DLG2: variants seen among roughly 807,000 people sequenced by gnomAD.
DLG2 encodes the protein discs large MAGUK scaffold protein 2.
Under a neutral mutation model 132.5 loss-of-function variants are expected in DLG2, and 45 were observed. That is an observed-to-expected ratio of 0.34 (90% confidence interval 0.27 to 0.44). DLG2 has a LOEUF of 0.44. Ranked by LOEUF, DLG2 falls within the 20% of genes least tolerant of loss-of-function variation. DLG2 has a pLI of 1.00. For missense variants in DLG2, 1,045 were observed against 1,196.9 expected (o/e 0.87, Z 1.87); for synonymous variants, 424 against 419.6 (o/e 1.01, Z -0.13).
chr11:84,836,345 G>C (rs530453067), intron 6 of DLG2, among the ~76,000 whole-genome samples: 1 of 151,764 alleles, frequency 6.6e-6, no homozygotes, highest in South Asian at 2.1e-4. Context: ...CAATGTACCC[G>C]TCACTTACTT....
chr11:84,580,463 T>C (rs2099513752), intron 6 of DLG2, among the ~76,000 whole-genome samples: 1 of 152,190 alleles, frequency 6.6e-6, no homozygotes, highest in Non-Finnish European at 1.5e-5. Flanking sequence ...CTGTCTTTGG[T>C]CCTCTGGTGG....
chr11:84,695,613 T>C (rs1262844351), intron 6 of DLG2, among the ~76,000 whole-genome samples: 3 of 151,566 alleles, frequency 2.0e-5, no homozygotes, highest in African/African-American at 7.3e-5. Flanking sequence ...AATGGTTTTG[T>C]ATCAGCATTT....
intron 19 of DLG2, among the ~76,000 whole-genome samples, chr11:83,588,575 C>T (rs1243687175): frequency 6.6e-6 from 1 of 151,888 alleles, no homozygotes; most frequent in Non-Finnish European, 1.5e-5. Flanking sequence ...CTCTAAAAAG[C>T]AGAGCGCCTC....
chr11:85,374,658 T>A (rs12362012), intron 3 of DLG2, among the ~76,000 whole-genome samples: 21,398 of 152,120 alleles, frequency 0.14, 2,081 homozygotes, highest in Non-Finnish European at 0.22. Context: ...CAAATATTTT[T>A]AAAATAAACT....
chr11:84,154,190 G>T (rs577909666), intron 9 of DLG2, among the ~76,000 whole-genome samples: 3 of 152,208 alleles, frequency 2.0e-5, no homozygotes, highest in South Asian at 4.1e-4. Context: ...TACAGATGGG[G>T]TTTCACCATG....
chr11:83,836,757 A>G (rs1447455479), intron 16 of DLG2, among the ~76,000 whole-genome samples: 2 of 152,200 alleles, frequency 1.3e-5, no homozygotes, highest in Non-Finnish European at 2.9e-5. Flanking sequence ...GGCCTTGTAG[A>G]TCATTTTAAA....
intron 6 of DLG2, among the ~76,000 whole-genome samples, chr11:84,647,283 T>C (rs1213362774): frequency 3.3e-5 from 5 of 152,108 alleles, no homozygotes; most frequent in Non-Finnish European, 7.4e-5. Flanking sequence ...TGTGTACATA[T>C]ATATAAATAA....
chr11:84,404,093 C>A (rs1406733639), intron 7 of DLG2, among the ~76,000 whole-genome samples: 3 of 152,050 alleles, frequency 2.0e-5, no homozygotes, highest in Non-Finnish European at 4.4e-5. Flanking sequence ...TGTTTATAAG[C>A]CTTATTGACT....
intron 7 of DLG2, among the ~76,000 whole-genome samples, chr11:84,417,105 G>A (rs957749550): frequency 3.9e-5 from 6 of 152,318 alleles, no homozygotes; most frequent in South Asian, 4.1e-4. Flanking sequence ...CAGCAACATA[G>A]TGTCCAGCAC....
At chr11:84,444,949 C>T (rs2154479027) in intron 7 of DLG2, among the ~76,000 whole-genome samples, 1 of 152,080 alleles carries the variant, frequency 6.6e-6, no homozygotes, top group Middle Eastern at 3.4e-3. Context: ...ATTACAGGCA[C>T]GTGCCACCAC....
chr11:83,927,521 G>A (rs906759211), intron 15 of DLG2, among the ~76,000 whole-genome samples: 4 of 152,098 alleles, frequency 2.6e-5, no homozygotes, highest in African/African-American at 9.7e-5. Context: ...GAGACTAGAA[G>A]AGATTTAGTG....
chr11:84,424,686 A>G (rs562257964), intron 7 of DLG2, among the ~76,000 whole-genome samples: 6 of 152,156 alleles, frequency 3.9e-5, no homozygotes, highest in Non-Finnish European at 8.8e-5. Context: ...ATATTTTAAT[A>G]GAAGTATTAA....
At chr11:83,479,514 G>T (rs1001547691) in intron 22 of DLG2, among the ~76,000 whole-genome samples, 10 of 152,044 alleles carry the variant, frequency 6.6e-5, no homozygotes, top group Non-Finnish European at 1.5e-4. Context: ...TTTCACTAAG[G>T]AATATAAATT....
chr11:84,398,740 G>A (rs2098819411), intron 7 of DLG2, among the ~76,000 whole-genome samples: 1 of 151,414 alleles, frequency 6.6e-6, no homozygotes, highest in East Asian at 1.9e-4. Context: ...AAAAGAGTTG[G>A]TGATGGGTTT....
intron 4 of DLG2, among the ~76,000 whole-genome samples, chr11:85,168,310 G>C (rs2078605753): frequency 6.6e-6 from 1 of 152,110 alleles, no homozygotes; most frequent in South Asian, 2.1e-4. Context: ...CAGAGGTTCA[G>C]TTCAATAAAC....
intron 4 of DLG2, among the ~76,000 whole-genome samples, chr11:85,218,506 C>T (rs2152590384): frequency 6.6e-6 from 1 of 152,074 alleles, no homozygotes; most frequent in South Asian, 2.1e-4. Flanking sequence ...AAATCAAAAC[C>T]ACAATGAGAT....
intron 22 of DLG2, chr11:83,480,252 G>T: frequency 1.2e-6 from 1 of 800,616 alleles, no homozygotes; most frequent in South Asian, 1.6e-5. Context: ...CAAGCCATTT[G>T]CTTTGAATAC....
intron 7 of DLG2, among the ~76,000 whole-genome samples, chr11:84,474,116 C>T (rs1404872966): frequency 1.3e-5 from 2 of 152,012 alleles, no homozygotes; most frequent in African/African-American, 2.4e-5. Context: ...CTCAACATCA[C>T]CTTTCTCACA....
At position 84,930,549 on chromosome 11, in the gene DLG2, C is replaced by T. The variant is rs187280073; in HGVS notation, c.357+181112G>A. Among the ~76,000 whole-genome samples, 175 of 152,228 alleles carry T rather than the reference C, an allele frequency of 1.1e-3. 3 individuals are homozygous for T. In the East Asian group the frequency reaches 0.021, roughly 18 times the overall value. ...CCACTCTCCTCAAACCTCACACCTT[C>T]CTCCATCCTCATTCCACTTAGTAGA... is the stretch of plus-strand genomic sequence containing the variant. On this transcript the variant is annotated intron_variant, in intron 6 of 27. Coordinates refer to ENST00000376104, the MANE Select transcript of DLG2 (RefSeq NM_001142699.3).
Sources: gnomAD v4.1 joint callset for allele counts (sites outside exome capture counted in the v4.1 genomes callset) on GRCh38, gnomAD v4.1.1 for gene constraint, MANE v1.5 for transcripts, NCBI Gene and HGNC (gene_info 2026-07-23, HGNC 2026-07-21) for gene names.